CELF2: variants seen among roughly 807,000 people sequenced by gnomAD.
CELF2 encodes CUG triplet repeat RNA-binding protein 2.
CELF2 carries 8 observed loss-of-function variants against 62.6 expected under a neutral mutation model. That is an observed-to-expected ratio of 0.13 (90% CI 0.07 to 0.23). The LOEUF (loss-of-function observed/expected upper bound fraction) is 0.23. Ranked by LOEUF, CELF2 falls within the 10% of genes least tolerant of loss-of-function variation. CELF2 has a pLI of 1.00. For missense variants in CELF2, 333 were observed against 671.0 expected (o/e 0.50, Z 5.56); for synonymous variants, 258 against 250.0 (o/e 1.03, Z -0.30).
chr10:11,249,406 G>A lies in CELF2; in HGVS notation c.403+205G>A, dbSNP rs747033245. On this transcript the variant is annotated intron_variant, in intron 4 of 12. Transcript: ENST00000633077. ...TCCTGTCCTGTTGATGATCTCTGGC[G>A]TAAAGATGTATGAGGCTGTTACAAG... Among the ~76,000 whole-genome samples the A allele has an allele frequency of 4.6e-5, 7 of 152,150 alleles. No homozygotes were observed. In the South Asian group the frequency reaches 8.3e-4, roughly 18 times the overall value.
chr10:11,069,728 C>G (rs928076957), intron 1 of CELF2, among the ~76,000 whole-genome samples: 2 of 152,194 alleles, frequency 1.3e-5, no homozygotes, highest in Admixed American at 1.3e-4. Context: ...TAATTGATTG[C>G]ACCAAATCCA....
chr10:11,137,782 G>T (rs937666491), intron 1 of CELF2, among the ~76,000 whole-genome samples: 1 of 152,168 alleles, frequency 6.6e-6, no homozygotes, highest in Non-Finnish European at 1.5e-5. Flanking sequence ...TTTCTGTGTG[G>T]ATCTCAGCAA....
intron 1 of CELF2, among the ~76,000 whole-genome samples, chr10:11,054,936 A>C (rs979258088): frequency 3.3e-5 from 5 of 152,100 alleles, no homozygotes; most frequent in Non-Finnish European, 7.4e-5. Context: ...ACTGGTCTTG[A>C]ACTCCTGACC....
intron 2 of CELF2, among the ~76,000 whole-genome samples, chr10:10,980,981 G>A (rs987326368): frequency 2.0e-5 from 3 of 152,106 alleles, no homozygotes; most frequent in African/African-American, 7.2e-5. Flanking sequence ...ATTAATTTGT[G>A]TACGTCTACA....
At chr10:10,504,720 T>TTTTTTTTTC in the CELF2 span, among the ~76,000 whole-genome samples, 2 of 151,200 alleles carry the variant, frequency 1.3e-5, no homozygotes, top group Non-Finnish European at 3.0e-5. Flanking sequence ...TGAGTCCATG[T>TTTTTTTTTC]TTTTTTTTCT....
chr10:10,747,657 G>C, the CELF2 span, among the ~76,000 whole-genome samples: 1 of 152,108 alleles, frequency 6.6e-6, no homozygotes, highest in African/African-American at 2.4e-5. Context: ...CAATGGCAGG[G>C]GACAGCCAGG....
chr10:11,023,248 T>G (rs939966851), intron 1 of CELF2, among the ~76,000 whole-genome samples: 1 of 152,242 alleles, frequency 6.6e-6, no homozygotes, highest in African/African-American at 2.4e-5. Flanking sequence ...TCATGCATCC[T>G]GTTTGTTTCC....
intron 1 of CELF2, among the ~76,000 whole-genome samples, chr10:11,027,238 C>T (rs1298943898): frequency 3.3e-5 from 5 of 152,316 alleles, no homozygotes; most frequent in East Asian, 1.9e-4. Flanking sequence ...ATTGCCTCCT[C>T]GTGCATTTGG....
At chr10:10,561,832 C>A in the CELF2 span, among the ~76,000 whole-genome samples, 1 of 152,146 alleles carries the variant, frequency 6.6e-6, no homozygotes, top group Non-Finnish European at 1.5e-5. Context: ...GTGGCAGCAG[C>A]GTCAGTAGAG....
the CELF2 span, among the ~76,000 whole-genome samples, chr10:10,731,127 G>A: frequency 6.6e-5 from 10 of 152,082 alleles, no homozygotes; most frequent in Non-Finnish European, 1.5e-4. Context: ...TTCCCAAAGA[G>A]GCAAGTTTGA....
the CELF2 span, among the ~76,000 whole-genome samples, chr10:10,531,934 G>A: frequency 6.6e-6 from 1 of 152,174 alleles, no homozygotes; most frequent in Non-Finnish European, 1.5e-5. Flanking sequence ...GGTATTACAG[G>A]TGCATTAATG....
chr10:10,809,133 AAG>A (rs1354810652), intron 1 of CELF2, among the ~76,000 whole-genome samples: 2 of 152,136 alleles, frequency 1.3e-5, no homozygotes, highest in Non-Finnish European at 2.9e-5. Flanking sequence ...CCTTAAAAAG[AAG>A]AGATGCCATA....
chr10:11,150,174 T>C (rs1379614444), intron 1 of CELF2, among the ~76,000 whole-genome samples: 1 of 152,258 alleles, frequency 6.6e-6, no homozygotes, highest in East Asian at 1.9e-4. Flanking sequence ...CTGTTTTCCC[T>C]AAATCAGTCA....
Position 10,882,888 on chromosome 10 carries a change from T to G in CELF2, c.54-37076T>G, listed in dbSNP as rs144770513. ...TAAAGCACCCTCAGACTAGGAATCT[T>G]CTGTTATAATAATATGATCTTGTCA... On this transcript the variant is annotated intron_variant, in intron 1 of 13. Transcript: ENST00000636488. Among the ~76,000 whole-genome samples the G allele has an allele frequency of 1.9e-4, 29 of 152,316 alleles. No individual in the cohort carries two copies. In the East Asian group the frequency reaches 5.2e-3, roughly 27 times the overall value.
At chr10:11,100,360 T>A (rs1036449737) in intron 1 of CELF2, among the ~76,000 whole-genome samples, 4 of 151,984 alleles carry the variant, frequency 2.6e-5, no homozygotes, top group Non-Finnish European at 5.9e-5. Flanking sequence ...GAATTCCACA[T>A]ACTTTTTAAT....
At chr10:10,547,633 C>T in the CELF2 span, among the ~76,000 whole-genome samples, 4 of 151,502 alleles carry the variant, frequency 2.6e-5, no homozygotes, top group Middle Eastern at 3.2e-3. Flanking sequence ...TTCCCACCTC[C>T]GCTAAATGTC....
intron 1 of CELF2, among the ~76,000 whole-genome samples, chr10:11,099,454 G>T (rs1220458433): frequency 1.3e-5 from 2 of 152,110 alleles, no homozygotes; most frequent in Non-Finnish European, 2.9e-5. Flanking sequence ...CCTTGGGGTC[G>T]ATTCTTTTCT....
chr10:10,679,317 T>C, the CELF2 span, among the ~76,000 whole-genome samples: 1 of 152,158 alleles, frequency 6.6e-6, no homozygotes, highest in African/African-American at 2.4e-5. Flanking sequence ...TGTGACAAAG[T>C]CTCAATCTCT....
Position 11,247,355 on chromosome 10 carries a change from G to A in CELF2, c.355-1798G>A, listed in dbSNP as rs2075904062. Among the ~76,000 whole-genome samples the A allele has an allele frequency of 6.6e-6, 1 of 152,190 alleles. No individual in the cohort carries two copies. Among genetic ancestry groups the A allele is most frequent in the African/African-American group, 2.4e-5 (1 of 41,450 alleles). On this transcript the variant is annotated intron_variant, in intron 3 of 12. Coordinates refer to ENST00000633077, the MANE Select transcript of CELF2 (RefSeq NM_001326342.2). This position sits in a 1 kb window ranked among gnomAD's most constrained non-coding sequence, Gnocchi z 5.4. ...GGGAACTGTCACCCTTCCACTTCCT[G>A]GGTCACTGCGGGGCTGCCCCGTGAG...
Sources: gnomAD v4.1 joint callset for allele counts (sites outside exome capture counted in the v4.1 genomes callset) on GRCh38, gnomAD v4.1.1 for gene constraint, Gnocchi (gnomAD v3.1) non-coding constraint, MANE v1.5 for transcripts, NCBI Gene and HGNC (gene_info 2026-07-23, HGNC 2026-07-21) for gene names.